RHOQ: variants seen among roughly 807,000 people sequenced by gnomAD.
RHOQ encodes rho-related GTP-binding protein RhoQ.
A neutral mutation model predicts 25.8 loss-of-function variants in RHOQ; 7 were observed. The ratio of observed to expected loss-of-function variants is 0.27; its 90% CI spans 0.15 to 0.51. The LOEUF is 0.51. Ranked by LOEUF, RHOQ falls within the 20% of genes least tolerant of loss-of-function variation. The probability of loss-of-function intolerance (pLI) is 0.97; values close to 1 mark genes in which losing one functional copy is unlikely to be tolerated. For missense variants in RHOQ, 165 were observed against 260.6 expected (o/e 0.63, Z 2.53); for synonymous variants, 97 against 98.6 (o/e 0.98, Z 0.10).
In RHOQ at chr2:46,543,062, G is replaced by A; in HGVS notation, c.16G>A (p.Gly6Ser). MAHGPGALMLKCVVVG... is the reference protein window; with the variant it reads MAHGPSALMLKCVVVG... ...CGGCAGCAGCATGGCTCACGGGCCC[G>A]GCGCGCTGATGCTCAAGTGCGTGGT... Residue 6 changes from glycine (G) to serine (S), a missense_variant, in exon 1 of 5, where the codon GGC becomes AGC. Physicochemically the swap from Gly to Ser is moderately conservative, Grantham distance 56. Coordinates refer to ENST00000238738, the MANE Select transcript of RHOQ (RefSeq NM_012249.4). 3 of 1,601,260 alleles carry A rather than the reference G, an allele frequency of 1.9e-6. No homozygotes were observed. The highest frequency in any genetic ancestry group is 2.6e-6 in the Non-Finnish European group (3 of 1,175,388).
intron 2 of RHOQ, chr2:46,560,660 C>T (rs1668547025): frequency 4.4e-6 from 2 of 455,740 alleles, no homozygotes; most frequent in Admixed American, 2.4e-5. Context: ...CCACTAGCTC[C>T]AGCATCCGCT....
chr2:46,548,572 G>A lies in RHOQ; in HGVS notation c.201+4760G>A, dbSNP rs893760879. On this transcript the variant is annotated intron_variant, in intron 2 of 4. Coordinates refer to ENST00000238738, the MANE Select transcript of RHOQ (RefSeq NM_012249.4). This position sits in a 1 kb window ranked among gnomAD's most constrained non-coding sequence, Gnocchi z 5.2. ...TTCTACTTTGGAGAAGGCCTGCAGG[G>A]AACATTAGTAGGGTTTAGGAAATGC... Among the ~76,000 whole-genome samples the A allele has an allele frequency of 1.3e-5, 2 of 152,142 alleles. No homozygotes were observed. Among genetic ancestry groups the A allele is most frequent in the African/African-American group, 4.8e-5 (2 of 41,426 alleles).
At chr2:46,546,888 T>A (rs540093638) in intron 2 of RHOQ, among the ~76,000 whole-genome samples, 2 of 152,212 alleles carry the variant, frequency 1.3e-5, no homozygotes, top group African/African-American at 4.8e-5. Context: ...GAATGCCAGA[T>A]CCTAGAACCT....
intron 2 of RHOQ, chr2:46,572,774 C>T (rs1005212305): frequency 2.9e-5 from 13 of 452,756 alleles, no homozygotes; most frequent in Admixed American, 2.1e-4. Context: ...TTTGATAAGT[C>T]GATCTTTTAA....
chr2:46,570,256 C>T (rs1387938366), intron 2 of RHOQ, among the ~76,000 whole-genome samples: 7 of 152,026 alleles, frequency 4.6e-5, no homozygotes, highest in South Asian at 2.1e-4. Context: ...CTGGCTAACA[C>T]GGTGAACACC....
At chr2:46,575,399 TCACACACACACACACA>T (rs56002979) in intron 2 of RHOQ, among the ~76,000 whole-genome samples, 13 of 138,324 alleles carry the variant, frequency 9.4e-5, no homozygotes, top group South Asian at 2.5e-4. Flanking sequence ...CTTTAAATCT[TCACACACACACACACA>T]CACACACACA....
At chr2:46,574,805 T>A (rs906878241) in intron 2 of RHOQ, among the ~76,000 whole-genome samples, 10 of 152,140 alleles carry the variant, frequency 6.6e-5, no homozygotes, top group African/African-American at 2.2e-4. Context: ...GAAAAATGCA[T>A]GAAAGGAAAA....
intron 2 of RHOQ, among the ~76,000 whole-genome samples, chr2:46,554,170 A>G (rs1275221782): frequency 6.6e-6 from 1 of 150,992 alleles, no homozygotes; most frequent in East Asian, 1.9e-4. Flanking sequence ...CCCACAAAAC[A>G]CACCCCCATA....
At chr2:46,570,484 C>T (rs529426585) in intron 2 of RHOQ, among the ~76,000 whole-genome samples, 1 of 152,122 alleles carries the variant, frequency 6.6e-6, no homozygotes, top group South Asian at 2.1e-4. Context: ...ATAGGCTACT[C>T]TGACCAAGCA....
At position 46,543,778 on chromosome 2, in the gene RHOQ, A is replaced by C. The variant is rs781164627; in HGVS notation, c.167A>C (p.Gln56Pro). The change falls in exon 2 of 5, where the codon CAG becomes CCG. Residue 56 changes from glutamine (Q) to proline (P), a missense_variant. Coordinates refer to ENST00000238738, the MANE Select transcript of RHOQ (RefSeq NM_012249.4). ...GTCAGCGTCACCGTGGGGGGCAAGC[A>C]GTACCTCCTAGGACTCTATGACACG... ...YAVSVTVGGK[Q>P]YLLGLYDTAG... The C allele has an allele frequency of 6.2e-7, 1 of 1,613,620 alleles. No individual in the cohort carries two copies. The highest frequency in any genetic ancestry group is 1.3e-5 in the African/African-American group (1 of 74,902).
intron 2 of RHOQ, among the ~76,000 whole-genome samples, chr2:46,559,810 G>C (rs372346157): frequency 1.5e-3 from 230 of 152,304 alleles, no homozygotes; most frequent in African/African-American, 5.3e-3. Context: ...CCTTGGGCTA[G>C]TCATATAAAC....
chr2:46,568,377 G>A (rs780269787), intron 2 of RHOQ: 11 of 152,194 alleles, frequency 7.2e-5, no homozygotes, highest in South Asian at 2.1e-4. Context: ...AAGCTTTTAG[G>A]GTAAAGACAC....
chr2:46,553,315 C>T (rs1668300251), intron 2 of RHOQ, among the ~76,000 whole-genome samples: 1 of 151,016 alleles, frequency 6.6e-6, no homozygotes, highest in Admixed American at 6.6e-5. Context: ...TTATTTTATT[C>T]TTTTTTTTAT....
At position 46,543,109 on chromosome 2, in the gene RHOQ, C is replaced by A. The variant is rs200633806; in HGVS notation, c.63C>A (p.Gly21=). 6 of 1,610,296 alleles carry A rather than the reference C, an allele frequency of 3.7e-6. No individual in the cohort carries two copies. In the African/African-American group the frequency reaches 4.0e-5, roughly 11 times the overall value. ...KCVVVGDGAV[G]KTCLLMSYAN... The stretch of plus-strand genomic sequence containing the variant: ...TGGTGGTCGGCGACGGGGCGGTGGG[C>A]AAGACGTGCCTACTCATGAGCTATG... The change falls in exon 1 of 5, where the codon GGC becomes GGA. Residue 21 remains glycine (G), a synonymous_variant. Coordinates refer to ENST00000238738, the MANE Select transcript of RHOQ (RefSeq NM_012249.4).
chr2:46,573,481 A>G (rs1558691634), intron 2 of RHOQ, among the ~76,000 whole-genome samples: 3 of 152,320 alleles, frequency 2.0e-5, no homozygotes, highest in East Asian at 3.9e-4. Context: ...TTATTTTTTA[A>G]TAGCCCCAGT....
At chr2:46,549,402 AT>A (rs2103984974) in intron 2 of RHOQ, among the ~76,000 whole-genome samples, 1 of 152,140 alleles carries the variant, frequency 6.6e-6, no homozygotes, top group Non-Finnish European at 1.5e-5. Context: ...GTTTCAAGAG[AT>A]TAGATCTAAT....
chr2:46,571,751 A>G (rs151261739), intron 2 of RHOQ, among the ~76,000 whole-genome samples: 15 of 152,348 alleles, frequency 9.8e-5, no homozygotes, highest in African/African-American at 3.6e-4. Flanking sequence ...TAAATAATAC[A>G]TGATAGCATA....
intron 2 of RHOQ, among the ~76,000 whole-genome samples, chr2:46,551,341 A>G (rs1057343067): frequency 3.9e-5 from 6 of 152,122 alleles, no homozygotes; most frequent in African/African-American, 1.4e-4. Context: ...TGTGCTGAAC[A>G]CATCATCTCA....
rs1032520968 is a variant in RHOQ at position 46,582,238 on chromosome 2, T to C, written c.*1155T>C. The C allele has an allele frequency of 2.6e-5, 4 of 151,812 alleles. No individual in the cohort carries two copies. The highest frequency in any genetic ancestry group is 9.7e-5 in the African/African-American group (4 of 41,256). 9.4% of individuals were successfully genotyped at this position (151,812 alleles called of 1,614,324 possible). On this transcript the variant is annotated 3_prime_UTR_variant, in exon 5 of 5. Transcript: ENST00000238738. The stretch of plus-strand genomic sequence containing the variant: ...GCTAGAAGTAATTAATGTTGATTTA[T>C]TTCATCTACAAGCAGTTGGTCCCTA...
Sources: gnomAD v4.1 joint callset for allele counts (sites outside exome capture counted in the v4.1 genomes callset) on GRCh38, gnomAD v4.1.1 for gene constraint, Gnocchi (gnomAD v3.1) non-coding constraint, MANE v1.5 for transcripts, NCBI Gene and HGNC (gene_info 2026-07-23, HGNC 2026-07-21) for gene names.